FBXO25: variants seen among roughly 807,000 people sequenced by gnomAD.
FBXO25 encodes the protein F-box protein 25.
Under a neutral mutation model 51.9 loss-of-function variants are expected in FBXO25, and 45 were observed. That is an observed-to-expected ratio of 0.87 (90% CI 0.68 to 1.11). The LOEUF is 1.11. Among genes scored for constraint, FBXO25 ranks in the 50% most tolerant of loss-of-function variants. The pLI is 0.00. For synonymous variants in FBXO25, 199 were observed against 151.0 expected, an observed-to-expected ratio of 1.32 and a Z score of -2.33; for missense variants, 507 against 428.5, an observed-to-expected ratio of 1.18 and a Z score of -1.62.
chr8:448,134 A>G (rs142338089), intron 5 of FBXO25, among the ~76,000 whole-genome samples: 2,303 of 152,328 alleles, frequency 0.015, 21 homozygotes, highest in Admixed American at 0.035. Flanking sequence ...GGGTTCCAGC[A>G]TATTTATCAC....
At chr8:441,571 C>T (rs1220112696) in intron 5 of FBXO25, among the ~76,000 whole-genome samples, 7 of 152,080 alleles carry the variant, frequency 4.6e-5, no homozygotes, top group African/African-American at 9.7e-5. Context: ...GTTATCACAG[C>T]GAAGAGGCAA....
chr8:450,458 T>C (rs1799008073), intron 6 of FBXO25, among the ~76,000 whole-genome samples: 1 of 152,248 alleles, frequency 6.6e-6, no homozygotes, highest in Admixed American at 6.5e-5. Context: ...CTTTCTAATT[T>C]AATGAGCTTG....
chr8:474,251 TC>T lies in FBXO25; in HGVS notation c.*5448del. The T allele has an allele frequency of 5.5e-6, 1 of 180,446 alleles. No individual in the cohort carries two copies. Among genetic ancestry groups the T allele is most frequent in the South Asian group, 1.5e-4 (1 of 6,718 alleles). The allele number at this position is 180,446 out of a possible 1,614,324, so 11.2% of individuals were successfully genotyped here. On this transcript the variant is annotated 3_prime_UTR_variant, in exon 10 of 10. Transcript: ENST00000350302. ...GCTTATTTCACTTAGCGTAATGTCC[TC>T]AAGGTTTATTCAAGTTGTAGGATAT...
Position 458,637 on chromosome 8 carries a change from A to C in FBXO25, c.843+86A>C, listed in dbSNP as rs1799608427. The C allele has an allele frequency of 8.6e-6, 11 of 1,274,280 alleles. No homozygotes were observed. The South Asian group carries it at 1.6e-4, about 19-fold the overall frequency. The allele number at this position is 1,274,280 out of a possible 1,614,324, so 78.9% of individuals were successfully genotyped here. A position where few individuals can be genotyped will look rare whatever the true frequency, so the allele number is the denominator to read the frequency against. On this transcript the variant is annotated intron_variant, in intron 8 of 9. Transcript: ENST00000350302. Reference sequence around the variant, plus strand: ...ATACCCTATAAACTCACCTGGAGAGAAAGAATGGCTGAGTATTTTCTACTT... The same window carrying C: ...ATACCCTATAAACTCACCTGGAGAGCAAGAATGGCTGAGTATTTTCTACTT...
In FBXO25 at chr8:471,438, C is replaced by G. The variant is rs916006273; in HGVS notation, c.*2634C>G. ...TTGAATACAGTTTCTATCAGGGGGC[C>G]TTCCAAAAGTAGGGATGCCACTCCT... is the stretch of plus-strand genomic sequence containing the variant. On this transcript the variant is annotated 3_prime_UTR_variant, in exon 10 of 10. Transcript: ENST00000350302. 3 of 152,144 alleles carry G rather than the reference C, an allele frequency of 2.0e-5. No homozygotes were observed. The highest frequency in any genetic ancestry group is 7.2e-5 in the African/African-American group (3 of 41,426). The allele number at this position is 152,144 out of a possible 1,614,324, so 9.4% of individuals were successfully genotyped here.
intron 1 of FBXO25, among the ~76,000 whole-genome samples, chr8:407,908 A>G (rs1315775157): frequency 1.3e-5 from 2 of 152,162 alleles, no homozygotes. Context: ...CCTTGGGCCT[A>G]TTCAAACTCA....
At chr8:423,191 C>T (rs1430214881) in intron 2 of FBXO25, among the ~76,000 whole-genome samples, 1 of 151,142 alleles carries the variant, frequency 6.6e-6, no homozygotes, top group African/African-American at 2.4e-5. Flanking sequence ...CCTCATCACA[C>T]TGATGTAAAT....
chr8:430,372 A>G (rs1797753341), intron 2 of FBXO25, among the ~76,000 whole-genome samples: 1 of 151,954 alleles, frequency 6.6e-6, no homozygotes, highest in African/African-American at 2.4e-5. Flanking sequence ...TGTCTTGATG[A>G]TTTACAACTG....
At chr8:451,038 CT>C in intron 6 of FBXO25, 1 of 396,008 alleles carries the variant, frequency 2.5e-6, no homozygotes, top group Non-Finnish European at 4.4e-6. Flanking sequence ...TATATTTGTC[CT>C]TTTGTAGCTA....
intron 5 of FBXO25, among the ~76,000 whole-genome samples, chr8:438,821 C>T (rs1798249081): frequency 6.6e-6 from 1 of 152,222 alleles, no homozygotes; most frequent in African/African-American, 2.4e-5. Context: ...CTCAAGCCTA[C>T]CTGGCTGGGA....
intron 2 of FBXO25, among the ~76,000 whole-genome samples, chr8:425,138 C>A (rs191176437): frequency 6.6e-6 from 1 of 152,158 alleles, no homozygotes; most frequent in African/African-American, 2.4e-5. Flanking sequence ...CCCCCGCCCC[C>A]CACATGTCCC....
At chr8:465,041 C>T (rs1359766354) in intron 9 of FBXO25, among the ~76,000 whole-genome samples, 2 of 152,166 alleles carry the variant, frequency 1.3e-5, no homozygotes, top group African/African-American at 2.4e-5. Context: ...CTATTCTTTT[C>T]TCCCCAGTTA....
At chr8:458,581 G>C (rs1227034424) in intron 8 of FBXO25, 30 bp downstream of exon 8, 1 of 1,608,198 alleles carries the variant, frequency 6.2e-7, no homozygotes, top group East Asian at 2.2e-5. Flanking sequence ...CTCCCCTCAG[G>C]CTGGGAGTTT....
chr8:454,895 AAAG>A (rs1321941644), intron 7 of FBXO25, among the ~76,000 whole-genome samples: 1 of 145,418 alleles, frequency 6.9e-6, no homozygotes, highest in Non-Finnish European at 1.5e-5. Context: ...CATCTCAAAA[AAAG>A]AAAAAGAAAA....
intron 9 of FBXO25, chr8:468,262 A>C: frequency 9.9e-7 from 1 of 1,013,278 alleles, no homozygotes; most frequent in Non-Finnish European, 1.2e-6. Context: ...TGTCCTATGC[A>C]GGGAGCCCAA....
chr8:441,055 C>T (rs1184189110), intron 5 of FBXO25, among the ~76,000 whole-genome samples: 256 of 148,078 alleles, frequency 1.7e-3, no homozygotes, highest in African/African-American at 6.3e-3. Context: ...CATACGTGTG[C>T]GTGTGTCTTT....
intron 4 of FBXO25, among the ~76,000 whole-genome samples, chr8:433,553 T>A (rs1269278269): frequency 6.6e-6 from 1 of 152,200 alleles, no homozygotes; most frequent in East Asian, 1.9e-4. Context: ...TCCCTGCCTT[T>A]CTTTTGCCAA....
chr8:461,866 T>G (rs1266229347), intron 8 of FBXO25, among the ~76,000 whole-genome samples: 1 of 152,228 alleles, frequency 6.6e-6, no homozygotes, highest in African/African-American at 2.4e-5. Flanking sequence ...TCCCCCTCTA[T>G]GTATATCCAC....
intron 9 of FBXO25, among the ~76,000 whole-genome samples, chr8:466,625 T>G (rs756941975): frequency 8.5e-5 from 13 of 152,164 alleles, no homozygotes; most frequent in Non-Finnish European, 1.6e-4. Context: ...CTGTCTCAGG[T>G]CTGCATCTGG....
Sources: allele counts gnomAD v4.1 joint callset (sites outside exome capture counted in the v4.1 genomes callset), GRCh38; gene constraint gnomAD v4.1.1; transcripts MANE v1.5; gene names NCBI Gene and HGNC (gene_info 2026-07-23, HGNC 2026-07-21).